Variants in SLC22A3 observed in about 807,000 individuals in gnomAD.
SLC22A3 encodes the protein solute carrier family 22 member 3, also known as EMT organic cation transporter 3.
In SLC22A3, 51 loss-of-function variants were observed where a neutral mutation model predicts 59.1. That is an observed-to-expected ratio of 0.86 (90% CI 0.69 to 1.09). The LOEUF is 1.09. Ranked by LOEUF, SLC22A3 falls within the 50% of genes least tolerant of loss-of-function variation. The probability of loss-of-function intolerance (pLI) is 0.00; values close to 1 mark genes in which losing one functional copy is unlikely to be tolerated. For synonymous variants in SLC22A3, 325 were observed against 292.0 expected (o/e 1.11, Z -1.15); for missense variants, 711 against 726.3 (o/e 0.98, Z 0.24).
At chr6:160,388,039 T>G (rs1786092400) in intron 1 of SLC22A3, among the ~76,000 whole-genome samples, 2 of 152,338 alleles carry the variant, frequency 1.3e-5, no homozygotes, top group South Asian at 2.1e-4. Context: ...CCCCAGAGCC[T>G]GCAGATGGAG....
chr6:160,391,631 A>G (rs754018078), intron 1 of SLC22A3, among the ~76,000 whole-genome samples: 4 of 152,206 alleles, frequency 2.6e-5, no homozygotes, highest in Non-Finnish European at 5.9e-5. Context: ...AACCCAGAAC[A>G]TATTTAGAAC....
At chr6:160,429,778 A>G (rs1788085093) in intron 5 of SLC22A3, among the ~76,000 whole-genome samples, 1 of 152,174 alleles carries the variant, frequency 6.6e-6, no homozygotes, top group African/African-American at 2.4e-5. Context: ...TGGTAGATCC[A>G]CAGTTCCAAA....
In SLC22A3 at chr6:160,348,588, G is replaced by C; in HGVS notation, c.169G>C (p.Ala57Pro). The C allele has an allele frequency of 6.6e-7, 1 of 1,522,170 alleles. No individual in the cohort carries two copies. Among genetic ancestry groups the C allele is most frequent in the Non-Finnish European group, 8.7e-7 (1 of 1,143,936 alleles). 94.3% of individuals were successfully genotyped at this position (1,522,170 alleles called of 1,614,324 possible). Residue 57 changes from alanine to proline, a missense_variant, in exon 1 of 11, where the codon GCG becomes CCG. Coordinates refer to ENST00000275300, the MANE Select transcript of SLC22A3 (RefSeq NM_021977.4). The part of the protein sequence containing the change: ...DHYWCRGPSA[A>P]ALAERCGWSP... ...CTACTGGTGCCGCGGGCCAAGTGCC[G>C]CGGCGCTGGCCGAGCGCTGCGGCTG...
chr6:160,401,442 A>C (rs1786778019), intron 2 of SLC22A3, among the ~76,000 whole-genome samples: 1 of 152,020 alleles, frequency 6.6e-6, no homozygotes, highest in Admixed American at 6.6e-5. Flanking sequence ...AGAATTCTAT[A>C]CTGTGCAAAG....
At chr6:160,369,777 A>G (rs1383301402) in intron 1 of SLC22A3, among the ~76,000 whole-genome samples, 1 of 152,232 alleles carries the variant, frequency 6.6e-6, no homozygotes, top group African/African-American at 2.4e-5. Context: ...TGTGCGACAA[A>G]TTATCTCAAA....
Position 160,415,888 on chromosome 6 carries a change from T to A in SLC22A3, c.975+5042T>A, listed in dbSNP as rs148631794. 2.4e-4 allele frequency among the ~76,000 whole-genome samples: 37 copies of A among 152,310 alleles called. No individual in the cohort carries two copies. The highest frequency in any genetic ancestry group is 4.9e-4 in the Non-Finnish European group (33 of 68,028). On this transcript the variant is annotated intron_variant, in intron 5 of 10. Transcript: ENST00000275300. This position sits in a 1 kb window ranked among gnomAD's most constrained non-coding sequence, Gnocchi z 4.1. ...GACCTAGCTTAAATCTACCCAAGGA[T>A]GTTCCATATTACAGATAAGCTAAAT...
At chr6:160,433,959 AG>A (rs1788249312) in intron 5 of SLC22A3, among the ~76,000 whole-genome samples, 1 of 152,218 alleles carries the variant, frequency 6.6e-6, no homozygotes, top group Admixed American at 6.5e-5. Flanking sequence ...CAAAGAAAAA[AG>A]TATTGCCACC....
rs1458791360 is a variant in SLC22A3, at chr6:160,451,072, CAGAA to C, written c.*21_*24del. 1.3e-6 allele frequency: 2 copies of C among 1,584,338 alleles called. No individual in the cohort carries two copies. Among genetic ancestry groups the C allele is most frequent in the Non-Finnish European group, 1.7e-6 (2 of 1,162,580 alleles). On this transcript the variant is annotated 3_prime_UTR_variant, in exon 11 of 11. Transcript: ENST00000275300. ...TCACCTTTGAGGCCCCCGACAAAGACAGAAAGAAGGAGCTATCCAGGAGCTGATC... is the reference window on the plus strand; with the variant it reads ...TCACCTTTGAGGCCCCCGACAAAGACAGAAGGAGCTATCCAGGAGCTGATC...
intron 5 of SLC22A3, among the ~76,000 whole-genome samples, chr6:160,432,944 A>G (rs935349277): frequency 1.3e-5 from 2 of 152,214 alleles, no homozygotes; most frequent in African/African-American, 4.8e-5. Flanking sequence ...TAGGAATGAT[A>G]GTAGTATCTG....
intron 7 of SLC22A3, 102 bp from the exon 8 acceptor site, chr6:160,442,659 C>A (rs1459087883): frequency 2.3e-6 from 2 of 851,144 alleles, no homozygotes; most frequent in Non-Finnish European, 4.0e-6. Context: ...TTGGCAAAGA[C>A]TTCAGACTGG....
At chr6:160,405,028 G>A (rs1786953910) in intron 2 of SLC22A3, among the ~76,000 whole-genome samples, 2 of 151,850 alleles carry the variant, frequency 1.3e-5, no homozygotes, top group Admixed American at 1.3e-4. Context: ...CATAATCCAT[G>A]AAAAAAAGAA....
rs535610633 is a variant in SLC22A3 at position 160,353,995 on chromosome 6, T to C, written c.429+5147T>C. On this transcript the variant is annotated intron_variant, in intron 1 of 10. Transcript: ENST00000275300. The stretch of plus-strand genomic sequence containing the variant: ...CAGAGAGCTTTGAGCTCTCCAGGGA[T>C]GGGCAACTGATAATAAAATCCTGGA... Among the ~76,000 whole-genome samples the C allele has an allele frequency of 3.9e-5, 6 of 152,240 alleles. No homozygotes were observed. The South Asian group carries it at 1.2e-3, about 32-fold the overall frequency.
At chr6:160,431,296 C>T (rs1013939742) in intron 5 of SLC22A3, among the ~76,000 whole-genome samples, 2 of 152,196 alleles carry the variant, frequency 1.3e-5, no homozygotes, top group African/African-American at 4.8e-5. Flanking sequence ...GCGGCCGCCA[C>T]GGCGCAGGAG....
At chr6:160,402,655 C>T (rs1397336296) in intron 2 of SLC22A3, among the ~76,000 whole-genome samples, 2 of 151,588 alleles carry the variant, frequency 1.3e-5, no homozygotes, top group African/African-American at 4.8e-5. Flanking sequence ...GGCCATAAAA[C>T]ATATATTAGC....
intron 2 of SLC22A3, among the ~76,000 whole-genome samples, chr6:160,399,234 G>T (rs114399609): frequency 3.2e-4 from 48 of 151,900 alleles, no homozygotes; most frequent in African/African-American, 1.1e-3. Context: ...TTTTATCGAT[G>T]TCCTTTTCTC....
chr6:160,429,028 G>A (rs1788060523), intron 5 of SLC22A3, among the ~76,000 whole-genome samples: 1 of 152,154 alleles, frequency 6.6e-6, no homozygotes, highest in Non-Finnish European at 1.5e-5. Flanking sequence ...CTGGGCAGTG[G>A]GATGGAAGGA....
chr6:160,405,399 C>G (rs995806635), intron 2 of SLC22A3, among the ~76,000 whole-genome samples: 1 of 151,986 alleles, frequency 6.6e-6, no homozygotes, highest in South Asian at 2.1e-4. Flanking sequence ...CAGAACAATG[C>G]CAACACCAAA....
intron 2 of SLC22A3, 85 bp from the exon 3 acceptor site, chr6:160,406,956 T>C: frequency 7.0e-7 from 1 of 1,434,420 alleles, no homozygotes; most frequent in Non-Finnish European, 9.6e-7. Flanking sequence ...TATAATATGG[T>C]ATGATATAAT....
chr6:160,435,799 G>A (rs1159177086), intron 5 of SLC22A3, among the ~76,000 whole-genome samples: 2 of 152,112 alleles, frequency 1.3e-5, no homozygotes, highest in Non-Finnish European at 2.9e-5. Context: ...AACCCAGGAC[G>A]ACACTGAGGA....
Sources: allele counts gnomAD v4.1 joint callset (sites outside exome capture counted in the v4.1 genomes callset), GRCh38; gene constraint gnomAD v4.1.1; non-coding constraint Gnocchi (gnomAD v3.1); transcripts MANE v1.5; gene names NCBI Gene and HGNC (gene_info 2026-07-23, HGNC 2026-07-21).